The following PDLIM2 variants were observed in gnomAD, a reference collection of about 807,000 sequenced individuals.
The protein encoded by PDLIM2 is PDZ and LIM domain protein 2.
In PDLIM2, 51 loss-of-function variants were observed where a neutral mutation model predicts 54.1. The ratio of observed to expected loss-of-function variants is 0.94; its 90% CI spans 0.75 to 1.19. PDLIM2 has a LOEUF of 1.19. PDLIM2 is among the 50% of genes most tolerant of loss of function. The pLI, the probability that PDLIM2 is intolerant of heterozygous loss-of-function variation, is 0.00. For synonymous variants in PDLIM2, 398 were observed against 385.6 expected (o/e 1.03, Z -0.38); for missense variants, 912 against 874.0 (o/e 1.04, Z -0.55).
chr8:22,589,843 T>C (rs1285724090), intron 8 of PDLIM2, 102 bp downstream of exon 7: 3 of 1,462,396 alleles, frequency 2.1e-6, no homozygotes, highest in African/African-American at 1.4e-5. Flanking sequence ...GCCTGTGAGG[T>C]GCTCACCCCA....
At chr8:22,588,506 T>A (rs1019354769) in intron 6 of PDLIM2, 1 of 152,218 alleles carries the variant, frequency 6.6e-6, no homozygotes, top group Admixed American at 6.6e-5. Context: ...CTGAGTCCCA[T>A]TGGGGTGGCA....
At chr8:22,591,723 GA>G in intron 9 of PDLIM2, 55 bp downstream of exon 8, 1 of 1,495,008 alleles carries the variant, frequency 6.7e-7, no homozygotes, top group Non-Finnish European at 9.1e-7. Flanking sequence ...TGGGGAGGGG[GA>G]CAGGGCACTG....
At position 22,585,181 on chromosome 8, in the gene PDLIM2, G is replaced by A. The variant is rs1458727503; in HGVS notation, c.1211+19G>A. On this transcript the variant is annotated intron_variant, in intron 5 of 9. Transcript: ENST00000308354. The stretch of plus-strand genomic sequence containing the variant: ...GCCGCAGGTGAGTGTGCCTGTGAGT[G>A]GGTACCCTGGTCGCCTGCGCTGCCA... 1 of 1,611,710 alleles carries A rather than the reference G, an allele frequency of 6.2e-7. No individual in the cohort carries two copies. Among genetic ancestry groups the A allele is most frequent in the South Asian group, 1.1e-5 (1 of 90,962 alleles).
In PDLIM2 at chr8:22,580,491, CG is replaced by C. The variant is rs878956860; in HGVS notation, c.749-109del. On this transcript the variant is annotated intron_variant, in intron 1 of 9. Transcript: ENST00000308354. ...CCCCAAAGCCCCTGAGTAGCTGCTC[CG>C]GGAGCTGTGGTGCCCTCTCCTTCTC... is the stretch of plus-strand genomic sequence containing the variant. The C allele has an allele frequency of 7.0e-6, 11 of 1,576,806 alleles. No homozygotes were observed. The South Asian group carries it at 1.1e-4, about 16-fold the overall frequency.
chr8:22,589,747 G>T lies in PDLIM2; in HGVS notation c.1513+6G>T. On this transcript the variant is annotated splice_donor_region_variant and intron_variant, in intron 8 of 9. Transcript: ENST00000308354. ...CCTGGAGGCTGAGGAGAGAGGTGAGGGTCTGGGGGGCTGGGGAGGGGAAGG... is the reference window on the plus strand; with the variant it reads ...CCTGGAGGCTGAGGAGAGAGGTGAGTGTCTGGGGGGCTGGGGAGGGGAAGG... The T allele has an allele frequency of 6.4e-7, 1 of 1,561,772 alleles. No homozygotes were observed. The highest frequency in any genetic ancestry group is 2.4e-5 in the East Asian group (1 of 42,074).
rs1232021393 is a variant in PDLIM2 at position 22,579,150 on chromosome 8, G to A, written c.371G>A (p.Arg124Gln). 22 of 1,322,178 alleles carry A rather than the reference G, an allele frequency of 1.7e-5. No homozygotes were observed. In the South Asian group the frequency reaches 1.9e-4, roughly 12 times the overall value. The allele number at this position is 1,322,178 out of a possible 1,614,324, so 81.9% of individuals were successfully genotyped here. A position where few individuals can be genotyped will look rare whatever the true frequency, so the allele number is the denominator to read the frequency against. Residue 124 changes from arginine (R) to glutamine (Q), a missense_variant, in exon 1 of 10, where the codon CGG (arginine) becomes CAG (glutamine). Coordinates refer to ENST00000308354, the Ensembl canonical transcript of PDLIM2. ...TCCCCAGAGTCGGGTAGACGGCAGC[G>A]GGAGCGGTGGCGTCTCCCCGCCTTC... is the stretch of plus-strand genomic sequence containing the variant.
In PDLIM2 at chr8:22,582,512, GGTAGGCCTGGGCT is replaced by G. The variant is rs1314232352; in HGVS notation, c.995+986_995+998del. Reference sequence around the variant, plus strand: ...TCTGGAGGGACCAGGGCTCGGGGGAGGTAGGCCTGGGCTGTAAGTCAGGCCTCTGGTTCTGCAC... The same window carrying G: ...TCTGGAGGGACCAGGGCTCGGGGGAGGTAAGTCAGGCCTCTGGTTCTGCAC... On this transcript the variant is annotated intron_variant, in intron 3 of 9. Transcript: ENST00000308354. 4.6e-5 allele frequency among the ~76,000 whole-genome samples: 7 copies of G among 152,238 alleles called. No homozygotes were observed. The East Asian group carries it at 1.2e-3, about 25-fold the overall frequency.
chr8:22,589,253 C>G, intron 6 of PDLIM2, 45 bp from the exon 6 acceptor site: 8 of 1,530,570 alleles, frequency 5.2e-6, no homozygotes, highest in Middle Eastern at 2.3e-4. Flanking sequence ...TGTGTTGGCC[C>G]AAGGCTCTGG....
intron 4 of PDLIM2, 58 bp downstream of exon 3, chr8:22,584,948 G>A: frequency 6.2e-7 from 1 of 1,613,882 alleles, no homozygotes. Flanking sequence ...GCATGAAAGT[G>A]AGGCCCGAGG....
intron 3 of PDLIM2, 83 bp downstream of exon 2, chr8:22,581,613 T>C (rs1319616115): frequency 8.8e-6 from 13 of 1,473,544 alleles, no homozygotes; most frequent in African/African-American, 1.4e-5. Context: ...CTCCTGCCCA[T>C]GGGCTAGAGC....
intron 9 of PDLIM2, chr8:22,592,723 G>A (rs963760823): frequency 1.3e-5 from 2 of 152,244 alleles, no homozygotes; most frequent in African/African-American, 4.8e-5. Flanking sequence ...AGGCCAACAG[G>A]CCTGAGAATG....
downstream of PDLIM2, chr8:22,594,583 G>A (rs1377558133): frequency 6.2e-7 from 1 of 1,614,118 alleles, no homozygotes; most frequent in Middle Eastern, 1.6e-4. Flanking sequence ...CTTTGGAGGG[G>A]ATGGTGGAGG....
Position 22,579,527 on chromosome 8 carries a change from G to A in PDLIM2, c.748G>A (p.Gly250Ser), listed in dbSNP as rs1043601448. The change falls in exon 1 of 10, where the codon GGT (glycine) becomes AGT (serine). Residue 250 changes from glycine (G) to serine (S), a missense_variant and splice_region_variant. Gly to Ser is a moderately conservative substitution (Grantham distance 56, BLOSUM62 0). Coordinates refer to ENST00000308354, the Ensembl canonical transcript of PDLIM2. ...CGCGGAGTCCACTGACCGGCTCAAA[G>A]GTCTGGGAATCTCGGGGCGGCCGCG... 2.7e-6 allele frequency: 4 copies of A among 1,478,240 alleles called. No homozygotes were observed. The Admixed American group carries it at 6.9e-5, about 26-fold the overall frequency. 91.6% of individuals were successfully genotyped at this position (1,478,240 alleles called of 1,614,324 possible).
chr8:22,591,471 A>G, intron 8 of PDLIM2, 80 bp from the exon 8 acceptor site: 1 of 1,325,968 alleles, frequency 7.5e-7, no homozygotes. Flanking sequence ...GTGCTTTCCA[A>G]GACCACCTCC....
At position 22,585,410 on chromosome 8, in the gene PDLIM2, C is replaced by A; in HGVS notation, c.1290+11C>A. 1 of 1,602,998 alleles carries A rather than the reference C, an allele frequency of 6.2e-7. No homozygotes were observed. The highest frequency in any genetic ancestry group is 8.5e-7 in the Non-Finnish European group (1 of 1,174,640). Reference sequence around the variant, plus strand: ...CCTGGAAGCCGACAGGTGAGGCTCCCTGGGGGAGGACAGGCTGGAGGAACA... The same window carrying A: ...CCTGGAAGCCGACAGGTGAGGCTCCATGGGGGAGGACAGGCTGGAGGAACA... On this transcript the variant is annotated intron_variant, in intron 6 of 9. Transcript: ENST00000308354.
At chr8:22,593,817 G>A (rs770850769) in exon 10 of PDLIM2, 5 of 1,601,452 alleles carry the variant, frequency 3.1e-6, no homozygotes, top group Non-Finnish European at 3.4e-6. Flanking sequence ...ACCTGAAGAT[G>A]CGCGGGCACT....
At chr8:22,587,134 A>G (rs913023510) in intron 6 of PDLIM2, among the ~76,000 whole-genome samples, 39 of 152,160 alleles carry the variant, frequency 2.6e-4, no homozygotes, top group African/African-American at 9.4e-4. Context: ...AATCGTGGAA[A>G]AACAGAGTGA....
chr8:22,581,515 G>T, exon 3 of PDLIM2: 1 of 1,586,046 alleles, frequency 6.3e-7, no homozygotes, highest in South Asian at 1.1e-5. Flanking sequence ...TCGCCCCTGC[G>T]GCTGCAGCTG....
At chr8:22,581,916 C>T (rs2117338508) in intron 3 of PDLIM2, among the ~76,000 whole-genome samples, 1 of 152,366 alleles carries the variant, frequency 6.6e-6, no homozygotes, top group East Asian at 1.9e-4. Context: ...CCCCAGGACT[C>T]CTGCTTCCAA....
Sources: allele counts gnomAD v4.1 joint callset (sites outside exome capture counted in the v4.1 genomes callset), GRCh38; gene constraint gnomAD v4.1.1; transcripts MANE v1.5; gene names NCBI Gene and HGNC (gene_info 2026-07-23, HGNC 2026-07-21).